MLF1: variants seen among roughly 807,000 people sequenced by gnomAD.
MLF1 encodes myeloid leukemia factor 1, also known as myelodysplasia-myeloid leukemia factor 1.
A neutral mutation model predicts 38.3 loss-of-function variants in MLF1; 37 were observed. The ratio of observed to expected loss-of-function variants is 0.96; its 90% confidence interval spans 0.74 to 1.27. The LOEUF (loss-of-function observed/expected upper bound fraction) is 1.27, where lower values mean the gene tolerates loss of function less well. MLF1 is among the 50% of genes most tolerant of loss of function. The pLI is 0.00. For synonymous variants in MLF1, 95 were observed against 106.5 expected, an observed-to-expected ratio of 0.89 and a Z score of 0.66; for missense variants, 331 against 349.2, an observed-to-expected ratio of 0.95 and a Z score of 0.42.
chr3:158,592,810 A>C (rs1718356336), intron 2 of MLF1, among the ~76,000 whole-genome samples: 1 of 152,190 alleles, frequency 6.6e-6, no homozygotes. Flanking sequence ...AGAAGCATAT[A>C]TTAGAAGCAA....
At chr3:158,582,281 T>C (rs1716506336) in intron 1 of MLF1, among the ~76,000 whole-genome samples, 2 of 151,174 alleles carry the variant, frequency 1.3e-5, no homozygotes, top group East Asian at 1.9e-4. Flanking sequence ...CAGTAGAAAC[T>C]TCCAAAACTG....
intron 3 of MLF1, among the ~76,000 whole-genome samples, chr3:158,596,039 C>T (rs1391472184): frequency 6.6e-6 from 1 of 151,970 alleles, no homozygotes; most frequent in Non-Finnish European, 1.5e-5. Flanking sequence ...TCATTTTGGG[C>T]AGGGTAATTC....
At chr3:158,575,257 T>A (rs1380657384) in intron 1 of MLF1, among the ~76,000 whole-genome samples, 1 of 152,194 alleles carries the variant, frequency 6.6e-6, no homozygotes, top group Non-Finnish European at 1.5e-5. Flanking sequence ...CTAATCTCCT[T>A]TATTCATCAC....
chr3:158,590,426 G>A (rs888507304), intron 1 of MLF1, among the ~76,000 whole-genome samples: 5 of 152,110 alleles, frequency 3.3e-5, no homozygotes, highest in African/African-American at 1.2e-4. Flanking sequence ...TTGCTCTGAG[G>A]TGTTTACTTA....
rs145813532 is a variant in MLF1 at position 158,591,671 on chromosome 3, C to T, written c.48-763C>T. On this transcript the variant is annotated intron_variant, in intron 1 of 7. Transcript: ENST00000466246. ...TCATGGTGTACCTTAAGTTCTAGAA[C>T]GAGGAATAAGGAATTGATTAGTGGG... 5.2e-4 allele frequency among the ~76,000 whole-genome samples: 79 copies of T among 151,172 alleles called. No individual in the cohort carries two copies. The South Asian group carries it at 0.012, about 23-fold the overall frequency.
In MLF1 at chr3:158,571,312, G is replaced by T. The variant is rs1330041712; in HGVS notation, c.12G>T (p.Met4Ile). Reference protein sequence around the residue: MFRMLNSSFEDDPF... With the variant: MFRILNSSFEDDPF... The stretch of plus-strand genomic sequence containing the variant: ...AAGACAGAGCCAGAATGTTCAGGAT[G>T]CTGAACAGCAGTTTTGAGGATGACC... Residue 4 changes from methionine (M) to isoleucine (I), a missense_variant, in exon 1 of 8, where the codon ATG (methionine) becomes ATT (isoleucine). Transcript: ENST00000466246. The T allele has an allele frequency of 1.2e-6, 2 of 1,612,254 alleles. No homozygotes were observed. The highest frequency in any genetic ancestry group is 1.7e-6 in the Non-Finnish European group (2 of 1,179,106).
At chr3:158,598,026 G>A (rs1719144621) in intron 4 of MLF1, 54 bp from the exon 5 acceptor site, 5 of 1,580,588 alleles carry the variant, frequency 3.2e-6, no homozygotes, top group African/African-American at 1.4e-5. Flanking sequence ...TGAACTCTCT[G>A]GCAATAATTA....
chr3:158,571,270 C>CGCG lies in MLF1; in HGVS notation c.-28_-26dup. 1 of 1,568,526 alleles carries CGCG rather than the reference C, an allele frequency of 6.4e-7. No individual in the cohort carries two copies. The highest frequency in any genetic ancestry group is 8.8e-7 in the Non-Finnish European group (1 of 1,140,642). On this transcript the variant is annotated 5_prime_UTR_variant, in exon 1 of 8. Coordinates refer to ENST00000466246, the MANE Select transcript of MLF1 (RefSeq NM_001369783.1). ...GTTAACATCGTTTTTCCAATCTGTC[C>CGCG]GCGGCTGCCGCCACCCAAGACAGAG... is the stretch of plus-strand genomic sequence containing the variant.
chr3:158,571,209 C>G lies in MLF1; in HGVS notation c.-92C>G, dbSNP rs1006239476. ...GCGCCGCGGCGAGTGAGGCGTCGTC[C>G]GTACTGGAGGCTAGCTCTTGTCGCG... On this transcript the variant is annotated 5_prime_UTR_variant, in exon 1 of 8. Coordinates refer to ENST00000466246, the MANE Select transcript of MLF1 (RefSeq NM_001369783.1). 3.5e-5 allele frequency: 35 copies of G among 1,009,990 alleles called. No homozygotes were observed. The South Asian group carries it at 4.3e-4, about 12-fold the overall frequency. The allele number at this position is 1,009,990 out of a possible 1,614,324, so 62.6% of individuals were successfully genotyped here.
chr3:158,604,493 ATTATT>A lies in MLF1; in HGVS notation c.747-595_747-591del, dbSNP rs762697535. 5.9e-5 allele frequency among the ~76,000 whole-genome samples: 9 copies of A among 152,358 alleles called. No individual in the cohort carries two copies. In the East Asian group the frequency reaches 1.3e-3, roughly 23 times the overall value. On this transcript the variant is annotated intron_variant, in intron 7 of 7. Coordinates refer to ENST00000466246, the MANE Select transcript of MLF1 (RefSeq NM_001369783.1). ...ATTGCTGGTACAACTGAAGAACTGAATTATTTTATTTTAATTCAAATATAAATGTG... is the reference window on the plus strand; with the variant it reads ...ATTGCTGGTACAACTGAAGAACTGAATTATTTTAATTCAAATATAAATGTG...
At position 158,593,527 on chromosome 3, in the gene MLF1, A is replaced by G; in HGVS notation, c.240+101A>G. Reference sequence around the variant, plus strand: ...TGAATTGGCATGCAGCCTCACTTCCATAATGGCTTTTTAATGTTTGTACTG... The same window carrying G: ...TGAATTGGCATGCAGCCTCACTTCCGTAATGGCTTTTTAATGTTTGTACTG... On this transcript the variant is annotated intron_variant, in intron 3 of 7. Coordinates refer to ENST00000466246, the MANE Select transcript of MLF1 (RefSeq NM_001369783.1). 3.4e-6 allele frequency: 3 copies of G among 889,862 alleles called. No individual in the cohort carries two copies. The East Asian group carries it at 8.5e-5, about 25-fold the overall frequency. The allele number at this position is 889,862 out of a possible 1,614,324, so 55.1% of individuals were successfully genotyped here. A position where few individuals can be genotyped will look rare whatever the true frequency, so the allele number is the denominator to read the frequency against.
intron 1 of MLF1, among the ~76,000 whole-genome samples, chr3:158,590,395 T>C (rs1202120661): frequency 6.6e-6 from 1 of 152,206 alleles, no homozygotes; most frequent in African/African-American, 2.4e-5. Context: ...TACATACTCT[T>C]CTAATACAAG....
chr3:158,585,743 TA>T (rs1400529225), intron 1 of MLF1, among the ~76,000 whole-genome samples: 1 of 152,114 alleles, frequency 6.6e-6, no homozygotes, highest in Non-Finnish European at 1.5e-5. Flanking sequence ...AAATATGCTT[TA>T]AAAAAAGTTT....
At position 158,595,255 on chromosome 3, in the gene MLF1, G is replaced by A. The variant is rs995581223; in HGVS notation, c.241-1607G>A. On this transcript the variant is annotated intron_variant, in intron 3 of 7. Coordinates refer to ENST00000466246, the MANE Select transcript of MLF1 (RefSeq NM_001369783.1). The stretch of plus-strand genomic sequence containing the variant: ...GTGGTGATACTTGAATCATGAGAAG[G>A]AACTAACTAGGTTTAAAGTCAGGAG... Among the ~76,000 whole-genome samples the A allele has an allele frequency of 2.6e-5, 4 of 152,094 alleles. No individual in the cohort carries two copies. In the South Asian group the frequency reaches 6.2e-4, roughly 24 times the overall value.
At position 158,591,103 on chromosome 3, in the gene MLF1, T is replaced by TTTTGAGCTTCCTCC. The variant is rs765243701; in HGVS notation, c.48-1308_48-1295dup. The TTTTGAGCTTCCTCC allele has an allele frequency of 6.8e-5, 35 of 514,964 alleles. 1 individual carries two copies. Among genetic ancestry groups the TTTTGAGCTTCCTCC allele is most frequent in the South Asian group, 2.4e-4 (17 of 70,726 alleles). The allele number at this position is 514,964 out of a possible 1,614,324, so 31.9% of individuals were successfully genotyped here. On this transcript the variant is annotated intron_variant, in intron 1 of 7. Transcript: ENST00000466246. ...TGGACTTATGAGCAGAAGACAGAAT[T>TTTTGAGCTTCCTCC]TTTGAGCTTCCTCCTTTGAGCTTCC...
chr3:158,598,134 A>G lies in MLF1; in HGVS notation c.379A>G (p.Thr127Ala). 1 of 1,613,918 alleles carries G rather than the reference A, an allele frequency of 6.2e-7. No homozygotes were observed. The highest frequency in any genetic ancestry group is 8.5e-7 in the Non-Finnish European group (1 of 1,179,866). Residue 127 changes from threonine to alanine, a missense_variant, in exon 5 of 8, where the codon ACT becomes GCT. Coordinates refer to ENST00000466246, the MANE Select transcript of MLF1 (RefSeq NM_001369783.1). ...GHSFCSSSVMTYSKIGDEPPK... is the reference protein window; with the variant it reads ...GHSFCSSSVMAYSKIGDEPPK... ...TTCATTTTGTTCTTCCTCAGTTATG[A>G]CTTATTCCAAAATAGGAGATGAACC... is the stretch of plus-strand genomic sequence containing the variant.
intron 1 of MLF1, among the ~76,000 whole-genome samples, chr3:158,591,474 A>T (rs1718134136): frequency 6.6e-6 from 1 of 152,102 alleles, no homozygotes; most frequent in Non-Finnish European, 1.5e-5. Context: ...AAAAATTTTA[A>T]AAACTTTCTA....
intron 4 of MLF1, among the ~76,000 whole-genome samples, 200 bp downstream of exon 4, chr3:158,597,145 A>G (rs1718998990): frequency 6.6e-6 from 1 of 152,118 alleles, no homozygotes; most frequent in African/African-American, 2.4e-5. Flanking sequence ...TATTTACAGT[A>G]TATACAGTTA....
chr3:158,602,266 A>G (rs116398055), intron 6 of MLF1, among the ~76,000 whole-genome samples: 1,719 of 152,306 alleles, frequency 0.011, 44 homozygotes, highest in African/African-American at 0.04. Context: ...GAGTGAAGGA[A>G]CATAATATTT....
Sources: allele counts gnomAD v4.1 joint callset (sites outside exome capture counted in the v4.1 genomes callset), GRCh38; gene constraint gnomAD v4.1.1; transcripts MANE v1.5; gene names NCBI Gene and HGNC (gene_info 2026-07-23, HGNC 2026-07-21).